The following MBNL3 variants were observed in gnomAD, a reference collection of about 807,000 sequenced individuals.
MBNL3 encodes the protein muscleblind like splicing regulator 3.
MBNL3 carries 6 observed loss-of-function variants against 24.5 expected under a neutral mutation model. The observed-to-expected ratio is 0.25, with a 90% CI of 0.13 to 0.48. The LOEUF is 0.48. MBNL3 is among the 20% of genes least tolerant of loss of function. The pLI, the probability that MBNL3 is intolerant of heterozygous loss-of-function variation, is 0.99. For missense variants in MBNL3, 230 were observed against 293.5 expected (o/e 0.78, Z 1.58); for synonymous variants, 100 against 101.7 (o/e 0.98, Z 0.10).
chrX:132,484,960 T>C (rs943861529), intron 1 of MBNL3, among the ~76,000 whole-genome samples: 1 of 106,790 alleles, frequency 9.4e-6, no homozygotes, highest in Non-Finnish European at 1.9e-5. Context: ...CACACACACA[T>C]TTAAATCAAG....
chrX:132,432,647 C>T (rs191037684), intron 2 of MBNL3: 1 of 111,531 alleles, frequency 9.0e-6, no homozygotes. Flanking sequence ...TAAGGTTCAT[C>T]CATGTTGTAG....
At chrX:132,423,670 T>G (rs1227055718) in intron 2 of MBNL3, among the ~76,000 whole-genome samples, 2 of 111,837 alleles carry the variant, frequency 1.8e-5, no homozygotes, top group East Asian at 2.8e-4. Flanking sequence ...TTTCTCCTTT[T>G]TTCCTAATGA....
At position 132,481,856 on chromosome X, in the gene MBNL3, T is replaced by TCC. The variant is rs201138758; in HGVS notation, c.-704+6993_-704+6994dup. On this transcript the variant is annotated intron_variant, in intron 1 of 8. Coordinates refer to ENST00000370853, the MANE Select transcript of MBNL3 (RefSeq NM_001386889.1). The stretch of plus-strand genomic sequence containing the variant: ...TGAATCTCAGCGCATCTATATGAAT[T>TCC]CCCCAGCAAAACCAGGTTATTAAAC... Among the ~76,000 whole-genome samples, 17 of 111,589 alleles carry TCC rather than the reference T, an allele frequency of 1.5e-4. No individual in the cohort carries two copies. The East Asian group carries it at 4.5e-3, about 30-fold the overall frequency.
chrX:132,475,338 T>C (rs2148528548), intron 1 of MBNL3, among the ~76,000 whole-genome samples: 1 of 112,069 alleles, frequency 8.9e-6, no homozygotes, highest in South Asian at 3.7e-4. Context: ...TGATTTATAA[T>C]GAAATAAATA....
Position 132,478,987 on chromosome X carries a change from C to T in MBNL3, c.-704+9864G>A, listed in dbSNP as rs774240811. 8.9e-5 allele frequency among the ~76,000 whole-genome samples: 10 copies of T among 112,348 alleles called. No individual in the cohort carries two copies. The South Asian group carries it at 3.7e-3, about 42-fold the overall frequency. On this transcript the variant is annotated intron_variant, in intron 1 of 8. Transcript: ENST00000370853. ...TGTCCGGGCCCGGCACGGTGGCTCA[C>T]GCCTGTAATCCCAGCACTTTGGGAG... is the stretch of plus-strand genomic sequence containing the variant.
At chrX:132,461,161 C>T (rs1292801424) in intron 1 of MBNL3, among the ~76,000 whole-genome samples, 2 of 111,762 alleles carry the variant, frequency 1.8e-5, no homozygotes, top group African/African-American at 3.3e-5. Flanking sequence ...GAGATGAACA[C>T]GGATGAACAA....
chrX:132,469,520 A>G (rs1306250914), intron 1 of MBNL3, among the ~76,000 whole-genome samples: 1 of 112,265 alleles, frequency 8.9e-6, no homozygotes, highest in Admixed American at 9.4e-5. Flanking sequence ...GTCTTCAGGT[A>G]AGAAATCAAC....
At chrX:132,397,381 A>G (rs957492269) in intron 3 of MBNL3, among the ~76,000 whole-genome samples, 1 of 111,482 alleles carries the variant, frequency 9.0e-6, no homozygotes, top group Non-Finnish European at 1.9e-5. Flanking sequence ...TGTCTCCTCA[A>G]TAGCCTAGAT....
chrX:132,454,426 C>T (rs1946274449), intron 1 of MBNL3, among the ~76,000 whole-genome samples: 1 of 111,905 alleles, frequency 8.9e-6, no homozygotes, highest in African/African-American at 3.3e-5. Flanking sequence ...CACTACTATA[C>T]CTAATAGGCA....
At chrX:132,476,031 A>G (rs1486091889) in intron 1 of MBNL3, among the ~76,000 whole-genome samples, 2 of 111,774 alleles carry the variant, frequency 1.8e-5, no homozygotes, top group Non-Finnish European at 3.8e-5. Context: ...AAGTCTCAGA[A>G]GTCTGGATGC....
In MBNL3 at chrX:132,439,524, G is replaced by A. The variant is rs760824406; in HGVS notation, c.88C>T (p.Arg30Ter). ...GCAAACTTGCAATCTGCATCAGCTC[G>A]AGAGCAAGTTCCTCTCTGAAATTCT... ...CREFQRGTCS[R>*]ADADCKFAHP... Residue 30 changes from arginine (R) to a stop codon, truncating the protein, a stop_gained, in exon 2 of 9, where the codon CGA (arginine) becomes TGA (stop). Transcript: ENST00000370853. LOFTEE classifies it high-confidence loss of function. The A allele has an allele frequency of 2.2e-5, 26 of 1,207,299 alleles. No individual in the cohort carries two copies. Among genetic ancestry groups the A allele is most frequent in the South Asian group, 1.6e-4 (9 of 56,333 alleles).
intron 1 of MBNL3, among the ~76,000 whole-genome samples, chrX:132,459,892 AT>A (rs767290355): frequency 1.8e-5 from 2 of 112,081 alleles, no homozygotes; most frequent in Admixed American, 1.9e-4. Flanking sequence ...AATGACAGAT[AT>A]GGTAAATGGG....
At chrX:132,410,838 C>G (rs888374389) in intron 2 of MBNL3, among the ~76,000 whole-genome samples, 2 of 112,086 alleles carry the variant, frequency 1.8e-5, no homozygotes, top group Non-Finnish European at 1.9e-5. Context: ...AAACCTGAGT[C>G]AAGATCAACA....
chrX:132,412,392 C>A (rs1189735780), intron 2 of MBNL3, among the ~76,000 whole-genome samples: 1 of 111,928 alleles, frequency 8.9e-6, no homozygotes, highest in African/African-American at 3.2e-5. Context: ...ACCCCCCATC[C>A]TGAATTTCTC....
At chrX:132,419,256 G>A (rs1195946748) in intron 2 of MBNL3, among the ~76,000 whole-genome samples, 2 of 112,011 alleles carry the variant, frequency 1.8e-5, no homozygotes, top group Admixed American at 1.9e-4. Flanking sequence ...AAGCATAAAC[G>A]GCCATGACTT....
rs1569424645 is a variant in MBNL3 at position 132,396,592 on chromosome X, CTATATATATTCCTATATATATTCA to C, written c.343-4282_343-4259del. Among the ~76,000 whole-genome samples the C allele has an allele frequency of 3.9e-3, 159 of 40,878 alleles. 6 individuals are homozygous for C. The highest frequency in any genetic ancestry group is 0.034 in the East Asian group (43 of 1,258). The allele number at this position is 40,878 out of a possible 115,157, so 35.5% of individuals were successfully genotyped here. On this transcript the variant is annotated intron_variant, in intron 3 of 8. Transcript: ENST00000370853. Reference sequence around the variant, plus strand: ...CCTATATATATTCCTATATATATTCCTATATATATTCCTATATATATTCATATATATATTCATATATATTCACAT... The same window carrying C: ...CCTATATATATTCCTATATATATTCCTATATATATTCATATATATTCACAT...
intron 2 of MBNL3, among the ~76,000 whole-genome samples, chrX:132,406,965 C>G (rs1941929982): frequency 9.0e-6 from 1 of 111,681 alleles, no homozygotes; most frequent in East Asian, 2.8e-4. Flanking sequence ...TCCACAGATG[C>G]TAAGATTCTT....
At chrX:132,381,417 T>G (rs758344780) in intron 8 of MBNL3, 1 of 1,165,226 alleles carries the variant, frequency 8.6e-7, no homozygotes, top group Non-Finnish European at 1.2e-6. Flanking sequence ...AGTTCATCTA[T>G]TGATAATTGG....
At chrX:132,484,723 G>C (rs1434748905) in intron 1 of MBNL3, among the ~76,000 whole-genome samples, 1 of 111,405 alleles carries the variant, frequency 9.0e-6, no homozygotes, top group African/African-American at 3.3e-5. Flanking sequence ...TTATTTCTAA[G>C]CCCTTCAAGT....
Sources: allele counts gnomAD v4.1 joint callset (sites outside exome capture counted in the v4.1 genomes callset), GRCh38; gene constraint gnomAD v4.1.1; transcripts MANE v1.5; gene names NCBI Gene and HGNC (gene_info 2026-07-23, HGNC 2026-07-21).